Variants in KMT5B observed in about 807,000 individuals in gnomAD.
The protein encoded by KMT5B is lysine methyltransferase 5B, also known as histone-lysine N-methyltransferase KMT5B.
Under a neutral mutation model 83.2 loss-of-function variants are expected in KMT5B, and 10 were observed. That is an observed-to-expected ratio of 0.12 (90% CI 0.07 to 0.20). The LOEUF (loss-of-function observed/expected upper bound fraction) is 0.20. KMT5B is among the 10% of genes least tolerant of loss of function. KMT5B has a pLI of 1.00. For synonymous variants in KMT5B, 349 were observed against 388.8 expected, an observed-to-expected ratio of 0.90 and a Z score of 1.20; for missense variants, 753 against 1,067.2, an observed-to-expected ratio of 0.71 and a Z score of 4.10.
At chr11:68,196,028 G>T (rs1858665032) in intron 1 of KMT5B, among the ~76,000 whole-genome samples, 1 of 152,072 alleles carries the variant, frequency 6.6e-6, no homozygotes, top group Admixed American at 6.5e-5. Context: ...GTGGTGGTAT[G>T]CGCCTGTAAT....
intron 1 of KMT5B, among the ~76,000 whole-genome samples, chr11:68,198,437 A>AAAGACAAGACAAGAC (rs146631548): frequency 4.2e-4 from 63 of 148,736 alleles, no homozygotes; most frequent in African/African-American, 1.5e-3. Flanking sequence ...GGAAAGGAAA[A>AAAGACAAGACAAGAC]AAGACAAGAC....
At chr11:68,186,031 T>G in intron 2 of KMT5B, 103 bp from the exon 3 acceptor site, 1 of 1,043,078 alleles carries the variant, frequency 9.6e-7, no homozygotes, top group South Asian at 1.8e-5. Flanking sequence ...AATAAAGAAC[T>G]GAAAAATCAA....
At chr11:68,198,442 C>T (rs537322223) in intron 1 of KMT5B, among the ~76,000 whole-genome samples, 30 of 1,104 alleles carry the variant, frequency 0.027, no homozygotes, top group African/African-American at 0.19. Flanking sequence ...GGAAAAAAGA[C>T]AAGACAAGAC....
intron 1 of KMT5B, among the ~76,000 whole-genome samples, chr11:68,191,554 G>A (rs903977888): frequency 2.6e-5 from 4 of 151,104 alleles, no homozygotes; most frequent in African/African-American, 9.7e-5. Flanking sequence ...GGCTGGTCTC[G>A]AACTCCCAAC....
chr11:68,206,225 T>G (rs1043860674), intron 1 of KMT5B, among the ~76,000 whole-genome samples: 1 of 152,226 alleles, frequency 6.6e-6, no homozygotes, highest in Non-Finnish European at 1.5e-5. Flanking sequence ...TACCTAGCAG[T>G]GCCTAGAAAT....
chr11:68,202,278 C>T (rs1315063540), intron 1 of KMT5B, among the ~76,000 whole-genome samples: 1 of 152,144 alleles, frequency 6.6e-6, no homozygotes, highest in Non-Finnish European at 1.5e-5. Context: ...TCAAAATAAA[C>T]ATCTGTGACT....
intron 3 of KMT5B, among the ~76,000 whole-genome samples, chr11:68,182,853 C>T (rs372022072): frequency 2.2e-4 from 34 of 151,910 alleles, no homozygotes; most frequent in East Asian, 9.7e-4. Flanking sequence ...TCTCCTGCCT[C>T]GGCCTCCTGA....
chr11:68,208,145 A>AT (rs1860401454), intron 1 of KMT5B, among the ~76,000 whole-genome samples: 1 of 150,010 alleles, frequency 6.7e-6, no homozygotes, highest in Non-Finnish European at 1.5e-5. Flanking sequence ...CCCCAAACAA[A>AT]TTTTTAAACA....
chr11:68,158,787 TTCTG>T lies in KMT5B; in HGVS notation c.1555_1558del (p.Gln519IlefsTer3). On this transcript the variant is annotated frameshift_variant, in exon 11 of 11. Transcript: ENST00000304363. LOFTEE classifies it high-confidence loss of function. The stretch of plus-strand genomic sequence containing the variant: ...CTGCGAATGAGCACCTCTCACAGGA[TTCTG>T]TCTGTGTTCTCTCGCCGCGTGTCTA... 1 of 1,614,146 alleles carries T rather than the reference TTCTG, an allele frequency of 6.2e-7. No homozygotes were observed. Among genetic ancestry groups the T allele is most frequent in the Non-Finnish European group, 8.5e-7 (1 of 1,180,018 alleles).
intron 4 of KMT5B, 27 bp downstream of exon 4, chr11:68,180,105 T>G (rs1462943249): frequency 6.4e-7 from 1 of 1,566,616 alleles, no homozygotes; most frequent in Admixed American, 1.8e-5. Flanking sequence ...AGTCAGTATC[T>G]CATTGTTTTT....
intron 10 of KMT5B, among the ~76,000 whole-genome samples, chr11:68,165,519 A>C (rs1855240353): frequency 6.6e-6 from 1 of 151,950 alleles, no homozygotes; most frequent in Non-Finnish European, 1.5e-5. Context: ...AAAAAAAAAA[A>C]AGACACAGGT....
At chr11:68,200,420 G>A (rs1859289413) in intron 1 of KMT5B, among the ~76,000 whole-genome samples, 1 of 152,212 alleles carries the variant, frequency 6.6e-6, no homozygotes, top group African/African-American at 2.4e-5. Context: ...GAAAGGATGG[G>A]CTATTGCTGA....
chr11:68,159,730 A>G (rs1419274301), intron 10 of KMT5B, among the ~76,000 whole-genome samples: 3 of 152,142 alleles, frequency 2.0e-5, no homozygotes, highest in Non-Finnish European at 2.9e-5. Flanking sequence ...ATATATTATC[A>G]CTCTGAAAAG....
chr11:68,159,037 C>A lies in KMT5B; in HGVS notation c.1309G>T (p.Val437Leu). 1 of 1,612,718 alleles carries A rather than the reference C, an allele frequency of 6.2e-7. No individual in the cohort carries two copies. ...GCAGGCTTCTTCAGTTTCTTTGGTA[C>A]CCTGGAATTATTTATATGAGTTAGC... ...SKLTHINNSR[V>L]PKKLKKPAKP... The change falls in exon 11 of 11, where the codon GTA becomes TTA. Residue 437 changes from valine (V) to leucine (L), a missense_variant. Transcript: ENST00000304363.
Position 68,158,945 on chromosome 11 carries a change from TG to T in KMT5B, c.1400del (p.Ser467Ter). The stretch of plus-strand genomic sequence containing the variant: ...CTAAGTTTCCCATTTCGAGTTTTCT[TG>T]AAGCATTCTTTTGCTCCAGCCGCTT... Reference protein sequence around the residue: ...HCKRLEQKNASRKLEMGNLVL... With the variant: ...HCKRLEQKNAXRKLEMGNLVL... On this transcript the variant is annotated frameshift_variant, in exon 11 of 11. Transcript: ENST00000304363. LOFTEE classifies it high-confidence loss of function. 1 of 1,613,708 alleles carries T rather than the reference TG, an allele frequency of 6.2e-7. No individual in the cohort carries two copies.
chr11:68,167,224 T>A, intron 9 of KMT5B, 46 bp from the exon 10 acceptor site: 1 of 1,551,002 alleles, frequency 6.4e-7, no homozygotes, highest in Non-Finnish European at 8.7e-7. Context: ...ACACACTTTC[T>A]TATAATAAGC....
intron 4 of KMT5B, 136 bp downstream of exon 4, chr11:68,179,996 C>G: frequency 9.7e-7 from 1 of 1,036,252 alleles, no homozygotes; most frequent in East Asian, 2.7e-5. Flanking sequence ...TATTATCAAA[C>G]TACTTTAAAA....
chr11:68,185,217 T>C (rs1857328514), intron 3 of KMT5B, among the ~76,000 whole-genome samples: 1 of 152,270 alleles, frequency 6.6e-6, no homozygotes, highest in Non-Finnish European at 1.5e-5. Flanking sequence ...TCACCTTTTT[T>C]TTTTTGAGAT....
intron 5 of KMT5B, among the ~76,000 whole-genome samples, chr11:68,174,660 C>T (rs1856180217): frequency 1.3e-5 from 2 of 152,150 alleles, no homozygotes; most frequent in South Asian, 4.1e-4. Context: ...TCCTGAGTAG[C>T]CGGAACTACA....
Sources: allele counts gnomAD v4.1 joint callset (sites outside exome capture counted in the v4.1 genomes callset), GRCh38; gene constraint gnomAD v4.1.1; transcripts MANE v1.5; gene names NCBI Gene and HGNC (gene_info 2026-07-23, HGNC 2026-07-21).